FRMPD4: variants seen among roughly 807,000 people sequenced by gnomAD.
The protein encoded by FRMPD4 is FERM and PDZ domain-containing protein 4.
FRMPD4 carries 22 observed loss-of-function variants against 94.1 expected under a neutral mutation model. The observed-to-expected ratio is 0.23, with a 90% CI of 0.17 to 0.33. The LOEUF (loss-of-function observed/expected upper bound fraction) is 0.33, where lower values mean the gene tolerates loss of function less well. FRMPD4 is among the 10% of genes least tolerant of loss of function. The pLI is 1.00. For missense variants in FRMPD4, 1,111 were observed against 1,339.9 expected (o/e 0.83, Z 2.67); for synonymous variants, 631 against 548.6 (o/e 1.15, Z -2.10).
At chrX:12,185,812 C>A (rs750636592) in intron 1 of FRMPD4, among the ~76,000 whole-genome samples, 11 of 111,245 alleles carry the variant, frequency 9.9e-5, no homozygotes, top group African/African-American at 3.6e-4. Flanking sequence ...GCATATTCAC[C>A]GGAAATCATT....
At chrX:12,655,122 A>G (rs1317155557) in intron 4 of FRMPD4, among the ~76,000 whole-genome samples, 1 of 112,651 alleles carries the variant, frequency 8.9e-6, no homozygotes, top group Non-Finnish European at 1.9e-5. Flanking sequence ...ACTGTTCTTC[A>G]AAGTTTCCCC....
intron 1 of FRMPD4, among the ~76,000 whole-genome samples, chrX:12,276,696 C>G (rs963978420): frequency 2.7e-5 from 3 of 111,676 alleles, no homozygotes; most frequent in African/African-American, 3.3e-5. Context: ...CCATTCCCAT[C>G]ATGGCCTGAA....
intron 1 of FRMPD4, among the ~76,000 whole-genome samples, chrX:12,454,831 TA>T (rs201968794): frequency 9.0e-4 from 96 of 106,430 alleles, no homozygotes; most frequent in African/African-American, 2.9e-3. Flanking sequence ...TTTTTTTTTT[TA>T]AAGCTCTACC....
At chrX:12,195,180 G>A (rs182072524) in intron 1 of FRMPD4, among the ~76,000 whole-genome samples, 1 of 111,330 alleles carries the variant, frequency 9.0e-6, no homozygotes, top group Non-Finnish European at 1.9e-5. Context: ...CGCACCTCTC[G>A]CCAACCCCCA....
chrX:12,169,716 G>A lies in FRMPD4; in HGVS notation c.41+30704G>A, dbSNP rs150474677. 1.1e-3 allele frequency among the ~76,000 whole-genome samples: 129 copies of A among 112,219 alleles called. 1 individual carries two copies. The highest frequency in any genetic ancestry group is 3.9e-3 in the African/African-American group (122 of 30,900). Reference sequence around the variant, plus strand: ...ACTCATAGACTTTTATACTTCTTGAGTTAACTTTTTGACTAAGGCATACAT... The same window carrying A: ...ACTCATAGACTTTTATACTTCTTGAATTAACTTTTTGACTAAGGCATACAT... On this transcript the variant is annotated intron_variant, in intron 1 of 16. Coordinates refer to ENST00000675598, the MANE Select transcript of FRMPD4 (RefSeq NM_001368397.1).
chrX:11,883,219 G>A (rs1220587997), intron 3 of FRMPD4, among the ~76,000 whole-genome samples: 2 of 111,825 alleles, frequency 1.8e-5, no homozygotes, highest in African/African-American at 6.5e-5. Context: ...GCGGTGAAGA[G>A]CAGTCTGGGC....
chrX:12,650,193 C>T (rs923497878), intron 4 of FRMPD4, among the ~76,000 whole-genome samples: 2 of 112,152 alleles, frequency 1.8e-5, no homozygotes, highest in African/African-American at 3.2e-5. Context: ...GAAGGGTAAG[C>T]GCCTTGGGTC....
At chrX:12,662,353 C>A (rs2059723474) in intron 4 of FRMPD4, among the ~76,000 whole-genome samples, 1 of 109,569 alleles carries the variant, frequency 9.1e-6, no homozygotes, top group African/African-American at 3.3e-5. Flanking sequence ...CCTCCCCTAG[C>A]CCCCCACCCC....
intron 2 of FRMPD4, among the ~76,000 whole-genome samples, chrX:12,593,707 G>A (rs932847592): frequency 2.7e-5 from 3 of 111,004 alleles, no homozygotes; most frequent in African/African-American, 9.8e-5. Flanking sequence ...ATATGAAATT[G>A]TTTAATTTCT....
intron 3 of FRMPD4, among the ~76,000 whole-genome samples, chrX:12,037,593 AT>A (rs1174345948): frequency 7.2e-5 from 8 of 110,600 alleles, no homozygotes; most frequent in Non-Finnish European, 1.5e-4. Flanking sequence ...TTAATCTGTT[AT>A]TTTAGGTTCA....
chrX:12,086,075 GTGCGTGTGTGTGTA>G (rs1470428841), intron 3 of FRMPD4, among the ~76,000 whole-genome samples: 324 of 55,898 alleles, frequency 5.8e-3, no homozygotes, highest in Middle Eastern at 0.022. Flanking sequence ...CTGTGTCTGT[GTGCGTGTGTGTGTA>G]TGTGTGTGTG....
Position 11,899,644 on chromosome X carries a change from A to G in FRMPD4, c.95+21626A>G, listed in dbSNP as rs533487405. ...ATTTAAAAGGACTATTACGTGAAAAATTTTCATGGCTGACTAATGGGTTGG... is the reference window on the plus strand; with the variant it reads ...ATTTAAAAGGACTATTACGTGAAAAGTTTTCATGGCTGACTAATGGGTTGG... On this transcript the variant is annotated intron_variant, in intron 3 of 18. Transcript: ENST00000640291. 8.1e-5 allele frequency among the ~76,000 whole-genome samples: 9 copies of G among 111,787 alleles called. No individual in the cohort carries two copies. The East Asian group carries it at 2.0e-3, about 24-fold the overall frequency.
intron 3 of FRMPD4, among the ~76,000 whole-genome samples, chrX:11,924,319 C>A (rs1245262848): frequency 8.9e-6 from 1 of 111,941 alleles, no homozygotes. Flanking sequence ...ATGAAGCCAA[C>A]TTGGAAAACA....
rs755486957 is a variant in FRMPD4 at position 11,887,823 on chromosome X, G to A, written c.95+9805G>A. On this transcript the variant is annotated intron_variant, in intron 3 of 18. Coordinates refer to the FRMPD4 transcript ENST00000640291. The stretch of plus-strand genomic sequence containing the variant: ...TCATTTAAAATGGGTGTTATTCTGA[G>A]GGCTCACATTACCAGTATATCAGAA... 2.7e-5 allele frequency among the ~76,000 whole-genome samples: 3 copies of A among 111,840 alleles called. No homozygotes were observed. The South Asian group carries it at 1.1e-3, about 43-fold the overall frequency.
intron 1 of FRMPD4, among the ~76,000 whole-genome samples, chrX:11,857,044 A>G (rs1243972385): frequency 2.7e-5 from 3 of 112,001 alleles, no homozygotes. Context: ...ATGACCGCTC[A>G]GAGAAATCAG....
intron 1 of FRMPD4, among the ~76,000 whole-genome samples, chrX:12,220,178 AACAC>A (rs2056850032): frequency 9.1e-6 from 1 of 110,469 alleles, no homozygotes; most frequent in South Asian, 3.9e-4. Flanking sequence ...CAACAACAAC[AACAC>A]AAAAAAACAA....
chrX:12,099,237 A>G lies in FRMPD4; in HGVS notation c.95+221219A>G, dbSNP rs34820974. Among the ~76,000 whole-genome samples, 5 of 111,110 alleles carry G rather than the reference A, an allele frequency of 4.5e-5. No homozygotes were observed. The East Asian group carries it at 1.4e-3, about 31-fold the overall frequency. On this transcript the variant is annotated intron_variant, in intron 3 of 18. Coordinates refer to the FRMPD4 transcript ENST00000640291. ...AAGTATAATAAAAAAATATATATAT[A>G]TATTTCCAGTTGACTGTTACTCTTT... is the stretch of plus-strand genomic sequence containing the variant.
chrX:12,369,367 A>G (rs917520581), intron 1 of FRMPD4, among the ~76,000 whole-genome samples: 2 of 110,831 alleles, frequency 1.8e-5, no homozygotes, highest in African/African-American at 6.6e-5. Flanking sequence ...ATATCATTTA[A>G]CTAACGCGGG....
intron 3 of FRMPD4, among the ~76,000 whole-genome samples, chrX:11,921,820 C>A (rs903318471): frequency 1.8e-5 from 2 of 112,320 alleles, no homozygotes; most frequent in Non-Finnish European, 3.8e-5. Context: ...CGTAACCTAA[C>A]AAAAGCTAAC....
Sources: allele counts gnomAD v4.1 joint callset (sites outside exome capture counted in the v4.1 genomes callset), GRCh38; gene constraint gnomAD v4.1.1; transcripts MANE v1.5; gene names NCBI Gene and HGNC (gene_info 2026-07-23, HGNC 2026-07-21).